RBMX: variants seen among roughly 807,000 people sequenced by gnomAD.
RBMX encodes the protein RNA-binding motif protein, X chromosome.
In RBMX, 1 loss-of-function variant was observed where a neutral mutation model predicts 29.3. That is an observed-to-expected ratio of 0.03 (90% CI 0.01 to 0.16). The LOEUF is 0.16. Among genes scored for constraint, RBMX ranks in the 10% least tolerant of loss-of-function variants. RBMX has a pLI of 1.00. For missense variants in RBMX, 121 were observed against 333.2 expected (o/e 0.36, Z 4.96); for synonymous variants, 102 against 102.3 (o/e 1.00, Z 0.02).
In RBMX at chrX:136,875,125, G is replaced by T. The variant is rs1253222678; in HGVS notation, c.826C>A (p.Pro276Thr). 1.2e-5 allele frequency: 14 copies of T among 1,211,711 alleles called. No homozygotes were observed. Among genetic ancestry groups the T allele is most frequent in the African/African-American group, 1.7e-5 (1 of 57,812 alleles). The change falls in exon 8 of 9, where the codon CCA (proline) becomes ACA (threonine). Residue 276 changes from proline (P) to threonine (T), a missense_variant. Pro to Thr is a conservative substitution (Grantham distance 38). This residue lies in a region of RBMX where 114 missense variants were observed against 260.0 expected (regional missense o/e 0.44). Transcript: ENST00000320676. ...GAATCTCTGTAGGAACCTCCACTTG[G>T]ATGATCTGAATAGTCACGATCACGA... ...YGRDRDYSDH[P>T]SGGSYRDSYE...
At position 136,873,496 on chromosome X, in the gene RBMX, A is replaced by G. The variant is rs1471489181; in HGVS notation, c.*646T>C. 8 of 751,907 alleles carry G rather than the reference A, an allele frequency of 1.1e-5. No homozygotes were observed. Among genetic ancestry groups the G allele is most frequent in the Non-Finnish European group, 1.1e-5 (7 of 637,884 alleles). The allele number at this position is 751,907 out of a possible 1,213,427, so 62.0% of individuals were successfully genotyped here. On this transcript the variant is annotated 3_prime_UTR_variant, in exon 9 of 9. Coordinates refer to ENST00000320676, the MANE Select transcript of RBMX (RefSeq NM_002139.4). ...CCAAACTTTTTATTTAGTATTCTGT[A>G]GTTGTTTAACACACACTTAAATGGT...
intron 8 of RBMX, 93 bp downstream of exon 8, chrX:136,874,993 C>G: frequency 8.8e-7 from 1 of 1,140,588 alleles, no homozygotes; most frequent in Non-Finnish European, 1.2e-6. Flanking sequence ...GCAAACATCC[C>G]TTTAAAAGCA....
rs774422749 is a variant in RBMX, at chrX:136,873,623, G to A, written c.*519C>T. 39 of 753,958 alleles carry A rather than the reference G, an allele frequency of 5.2e-5. No individual in the cohort carries two copies. In the Middle Eastern group the frequency reaches 3.8e-3, roughly 73 times the overall value. 62.1% of individuals were successfully genotyped at this position (753,958 alleles called of 1,213,427 possible). On this transcript the variant is annotated 3_prime_UTR_variant, in exon 9 of 9. Transcript: ENST00000320676. ...TCCATTTGCTTTTTTGGGTTTACTGGGTGAATAGCACTTTCCTTACATAGG... is the reference window on the plus strand; with the variant it reads ...TCCATTTGCTTTTTTGGGTTTACTGAGTGAATAGCACTTTCCTTACATAGG...
intron 3 of RBMX, 37 bp from the exon 4 acceptor site, chrX:136,878,123 T>A: frequency 9.1e-7 from 1 of 1,093,053 alleles, no homozygotes; most frequent in Non-Finnish European, 1.2e-6. Context: ...AATCAAGATT[T>A]AAAAATAATT....
intron 3 of RBMX, among the ~76,000 whole-genome samples, chrX:136,878,426 T>C (rs2077757936): frequency 9.0e-6 from 1 of 110,661 alleles, no homozygotes; most frequent in African/African-American, 3.3e-5. Context: ...ATATGGCTTA[T>C]GGATCTCAAG....
chrX:136,870,562 G>T (rs1233785308), downstream of RBMX: 1 of 111,510 alleles, frequency 9.0e-6, no homozygotes, highest in Admixed American at 9.6e-5. Context: ...AGCAGGCGCA[G>T]TGGCTCACGC....
intron 5 of RBMX, 113 bp from the exon 6 acceptor site, chrX:136,875,698 G>A (rs756071365): frequency 2.1e-6 from 2 of 971,690 alleles, no homozygotes; most frequent in Non-Finnish European, 1.4e-6. Context: ...ACATTACGGA[G>A]GCTAGATCAC....
chrX:136,877,882 T>C (rs750402818), intron 4 of RBMX, 33 bp downstream of exon 4: 118 of 1,137,368 alleles, frequency 1.0e-4, no homozygotes, highest in Non-Finnish European at 1.3e-4. Context: ...CCCTAACTTA[T>C]ACACCAAACC....
In RBMX at chrX:136,873,996, A is replaced by G. The variant is rs1381524029; in HGVS notation, c.*146T>C. ...GTTTTACTTTTTTCCTCACAAGAAC[A>G]TAAAAATTATGGAGGGGAACTTAAC... On this transcript the variant is annotated 3_prime_UTR_variant, in exon 9 of 9. Transcript: ENST00000320676. The G allele has an allele frequency of 1.3e-5, 14 of 1,096,113 alleles. No individual in the cohort carries two copies. In the East Asian group the frequency reaches 3.9e-4, roughly 31 times the overall value. The allele number at this position is 1,096,113 out of a possible 1,213,427, so 90.3% of individuals were successfully genotyped here.
At position 136,875,231 on chromosome X, in the gene RBMX, G is replaced by A. The variant is rs978869966; in HGVS notation, c.782+27C>T. On this transcript the variant is annotated intron_variant, in intron 7 of 8. Transcript: ENST00000320676. ...ACTTTCATTGCAACTTTTCTTACATGTAAGCCACAGAAGCAAAGTCACTTA... is the reference window on the plus strand; with the variant it reads ...ACTTTCATTGCAACTTTTCTTACATATAAGCCACAGAAGCAAAGTCACTTA... 1.7e-5 allele frequency: 20 copies of A among 1,209,306 alleles called. No individual in the cohort carries two copies. In the African/African-American group the frequency reaches 2.8e-4, roughly 17 times the overall value.
downstream of RBMX, chrX:136,870,229 C>T (rs1274487216): frequency 8.9e-6 from 1 of 112,368 alleles, no homozygotes; most frequent in Admixed American, 9.5e-5. Flanking sequence ...TCCATTTGGT[C>T]AATTACTTGC....
chrX:136,869,794 A>G (rs1225385186), downstream of RBMX: 1 of 112,323 alleles, frequency 8.9e-6, no homozygotes, highest in Non-Finnish European at 1.9e-5. Context: ...CTTTGAGAAC[A>G]TTATACTATT....
At chrX:136,870,225 T>G (rs1321146315), downstream of RBMX, 1 of 112,591 alleles carries the variant, frequency 8.9e-6, no homozygotes, top group Non-Finnish European at 1.9e-5. Flanking sequence ...CTTTTCCATT[T>G]GGTCAATTAC....
At chrX:136,878,518 G>A (rs1181500987) in intron 3 of RBMX, among the ~76,000 whole-genome samples, 2 of 108,350 alleles carry the variant, frequency 1.8e-5, no homozygotes, top group Admixed American at 1.0e-4. Context: ...GGCGGAGGCA[G>A]CTGGATCACC....
At chrX:136,875,959 G>T (rs557539590) in intron 5 of RBMX, among the ~76,000 whole-genome samples, 1 of 108,714 alleles carries the variant, frequency 9.2e-6, no homozygotes, top group East Asian at 2.9e-4. Context: ...CCACCACCAC[G>T]CCCAGCTAAC....
downstream of RBMX, chrX:136,873,029 T>C (rs2077693962): frequency 9.2e-6 from 1 of 108,765 alleles, no homozygotes; most frequent in South Asian, 4.0e-4. Context: ...TAATAAAGCC[T>C]TTAAGTGTCA....
rs193249825 is a variant in RBMX, at chrX:136,877,798, T to C, written c.388+117A>G. ...GCAATCACTTTGGTAGATGAACAAG[T>C]GTTGTCAATTTCAAAAGTTGGCACC... On this transcript the variant is annotated intron_variant, in intron 4 of 8. Transcript: ENST00000320676. 3.0e-4 allele frequency: 192 copies of C among 640,764 alleles called. 1 individual carries two copies. The African/African-American group carries it at 3.8e-3, about 13-fold the overall frequency. 52.8% of individuals were successfully genotyped at this position (640,764 alleles called of 1,213,427 possible).
rs2077732636 is a variant in RBMX, at chrX:136,876,628, T to C, written c.416A>G (p.Asn139Ser). ...GAGTGGTCCCCTGGAAGAACTCATG[T>C]TAAAATTCATGGAATATCCACCGTC... ...MDDGGYSMNF[N>S]MSSSRGPLPV... The change falls in exon 5 of 9, where the codon AAC becomes AGC. Residue 139 changes from asparagine to serine, a missense_variant. By Grantham distance (46) the Asn-to-Ser change is conservative. Around this residue, in one of 2 missense-constraint regions of RBMX, gnomAD observed 114 missense variants for 260.0 expected, o/e 0.44. Transcript: ENST00000320676. The C allele has an allele frequency of 2.5e-6, 3 of 1,198,413 alleles. No homozygotes were observed. Among genetic ancestry groups the C allele is most frequent in the Non-Finnish European group, 3.4e-6 (3 of 890,546 alleles).
chrX:136,878,478 T>G (rs906207404), intron 3 of RBMX, among the ~76,000 whole-genome samples: 32 of 110,091 alleles, frequency 2.9e-4, no homozygotes, highest in African/African-American at 9.6e-4. Context: ...GCTCGCAGTG[T>G]CTCACACCTG....
Sources: gnomAD v4.1 joint callset for allele counts (sites outside exome capture counted in the v4.1 genomes callset) on GRCh38, gnomAD v4.1.1 for gene constraint, gnomAD v4.1.1 regional missense constraint, MANE v1.5 for transcripts, NCBI Gene and HGNC (gene_info 2026-07-23, HGNC 2026-07-21) for gene names.